Variants in PCSK2 observed in about 807,000 individuals in gnomAD.
PCSK2 encodes the protein proprotein convertase subtilisin/kexin type 2, also known as neuroendocrine convertase 2.
In PCSK2, 14 loss-of-function variants were observed where a neutral mutation model predicts 69.7. The observed-to-expected ratio is 0.20, with a 90% CI of 0.13 to 0.31. The LOEUF (loss-of-function observed/expected upper bound fraction) is 0.31. PCSK2 is among the 10% of genes least tolerant of loss of function. The probability of loss-of-function intolerance (pLI) is 1.00; values close to 1 mark genes in which losing one functional copy is unlikely to be tolerated. For synonymous variants in PCSK2, 307 were observed against 320.7 expected (o/e 0.96, Z 0.46); for missense variants, 544 against 842.5 (o/e 0.65, Z 4.39).
At chr20:17,344,937 ACTC>A (rs781603518) in intron 2 of PCSK2, among the ~76,000 whole-genome samples, 57 of 82,560 alleles carry the variant, frequency 6.9e-4, no homozygotes, top group Non-Finnish European at 1.2e-3. Flanking sequence ...TTTTCCATAA[ACTC>A]CTGTTCCTTC....
At chr20:17,282,744 C>T (rs970698009) in intron 2 of PCSK2, among the ~76,000 whole-genome samples, 11 of 148,854 alleles carry the variant, frequency 7.4e-5, no homozygotes, top group Non-Finnish European at 1.3e-4. Flanking sequence ...AGGGCACACA[C>T]GCTGTGAAAA....
chr20:17,241,063 G>C (rs942436924), intron 1 of PCSK2, among the ~76,000 whole-genome samples: 1 of 152,178 alleles, frequency 6.6e-6, no homozygotes, highest in South Asian at 2.1e-4. Flanking sequence ...ACAAATGGGA[G>C]TGCTCCATGT....
intron 2 of PCSK2, among the ~76,000 whole-genome samples, chr20:17,302,531 T>A (rs1313947917): frequency 2.0e-5 from 3 of 152,190 alleles, no homozygotes; most frequent in Non-Finnish European, 2.9e-5. Context: ...TGGAGCCCTT[T>A]ATGTCCGAAA....
chr20:17,307,718 C>G (rs1010098208), intron 2 of PCSK2, among the ~76,000 whole-genome samples: 2 of 152,028 alleles, frequency 1.3e-5, no homozygotes, highest in Non-Finnish European at 2.9e-5. Flanking sequence ...TTTACATTCT[C>G]TATGAAACAG....
chr20:17,410,461 G>A (rs1005019152), intron 6 of PCSK2, among the ~76,000 whole-genome samples: 2 of 152,168 alleles, frequency 1.3e-5, no homozygotes, highest in Non-Finnish European at 2.9e-5. Flanking sequence ...ATCAAGGGTT[G>A]ACACAGGGTA....
chr20:17,382,331 C>A (rs1440641860), intron 5 of PCSK2, among the ~76,000 whole-genome samples: 2 of 152,138 alleles, frequency 1.3e-5, no homozygotes, highest in African/African-American at 4.8e-5. Context: ...GAAGTGGGTA[C>A]TTTCTTACCC....
chr20:17,409,426 C>A, intron 6 of PCSK2, 87 bp downstream of exon 6: 1 of 835,140 alleles, frequency 1.2e-6, no homozygotes, highest in Non-Finnish European at 2.1e-6. Context: ...CTACCACCAG[C>A]AAAATAATCC....
intron 4 of PCSK2, among the ~76,000 whole-genome samples, chr20:17,368,231 C>A (rs1165750628): frequency 6.6e-6 from 1 of 152,076 alleles, no homozygotes. Context: ...ATATTGCATC[C>A]CCATATAGTT....
intron 2 of PCSK2, among the ~76,000 whole-genome samples, chr20:17,348,109 A>G (rs1016225823): frequency 9.9e-5 from 15 of 151,494 alleles, no homozygotes; most frequent in African/African-American, 3.6e-4. Context: ...GAAAGAAAAG[A>G]AAAGAAAGAG....
intron 2 of PCSK2, among the ~76,000 whole-genome samples, chr20:17,346,688 T>A (rs1382375529): frequency 1.3e-5 from 2 of 152,200 alleles, no homozygotes; most frequent in Non-Finnish European, 2.9e-5. Context: ...TGGAAAATTG[T>A]CCTGTCAAGT....
intron 6 of PCSK2, among the ~76,000 whole-genome samples, chr20:17,422,109 G>A (rs985673112): frequency 5.3e-5 from 8 of 152,110 alleles, no homozygotes; most frequent in Admixed American, 1.3e-4. Flanking sequence ...AGAACCAATT[G>A]CAGCTGAAAA....
chr20:17,259,873 C>T (rs1179714381), intron 1 of PCSK2, among the ~76,000 whole-genome samples: 1 of 151,888 alleles, frequency 6.6e-6, no homozygotes, highest in Non-Finnish European at 1.5e-5. Flanking sequence ...CCAGGTGGTA[C>T]CTGGGGTATG....
chr20:17,287,044 T>C (rs1279908415), intron 2 of PCSK2, among the ~76,000 whole-genome samples: 1 of 152,192 alleles, frequency 6.6e-6, no homozygotes, highest in Non-Finnish European at 1.5e-5. Context: ...AATTCCCTCT[T>C]CCTTAAGCGG....
intron 1 of PCSK2, among the ~76,000 whole-genome samples, chr20:17,255,136 C>T (rs1361815335): frequency 6.6e-6 from 1 of 152,088 alleles, no homozygotes; most frequent in Non-Finnish European, 1.5e-5. Context: ...TCTTTCTTTC[C>T]AATCTTGATG....
chr20:17,238,321 T>C (rs1187645593), intron 1 of PCSK2, among the ~76,000 whole-genome samples: 1 of 152,238 alleles, frequency 6.6e-6, no homozygotes, highest in African/African-American at 2.4e-5. Flanking sequence ...ACCAGAATAT[T>C]GTGACATACC....
chr20:17,447,157 G>T (rs1400533856), intron 8 of PCSK2, among the ~76,000 whole-genome samples: 4 of 151,732 alleles, frequency 2.6e-5, no homozygotes, highest in Non-Finnish European at 4.4e-5. Context: ...TGTAATCCCA[G>T]CTACTTGGGA....
At chr20:17,429,405 T>A in intron 6 of PCSK2, 30 bp from the exon 7 acceptor site, 1 of 1,567,528 alleles carries the variant, frequency 6.4e-7, no homozygotes, top group Non-Finnish European at 8.8e-7. Flanking sequence ...TTTCACTGCA[T>A]ATCTAATGTG....
At chr20:17,249,931 A>G (rs1986912137) in intron 1 of PCSK2, among the ~76,000 whole-genome samples, 1 of 152,228 alleles carries the variant, frequency 6.6e-6, no homozygotes. Flanking sequence ...ATAGTTGCAT[A>G]ATGTGAGTGT....
At chr20:17,416,345 T>A (rs2123315733) in intron 6 of PCSK2, among the ~76,000 whole-genome samples, 1 of 151,944 alleles carries the variant, frequency 6.6e-6, no homozygotes, top group Admixed American at 6.6e-5. Flanking sequence ...GACAACCCCA[T>A]CAAAAAGTGG....
Sources: gnomAD v4.1 joint callset for allele counts (sites outside exome capture counted in the v4.1 genomes callset) on GRCh38, gnomAD v4.1.1 for gene constraint, MANE v1.5 for transcripts, NCBI Gene and HGNC (gene_info 2026-07-23, HGNC 2026-07-21) for gene names.